ABI3BP: variants seen among roughly 807,000 people sequenced by gnomAD.
ABI3BP encodes the protein ABI family member 3 binding protein.
A neutral mutation model predicts 268.6 loss-of-function variants in ABI3BP; 216 were observed. That is an observed-to-expected ratio of 0.80 (90% CI 0.72 to 0.90). The LOEUF (loss-of-function observed/expected upper bound fraction) is 0.90, where lower values mean the gene tolerates loss of function less well. ABI3BP is among the 40% of genes least tolerant of loss of function. The probability of loss-of-function intolerance (pLI) is 0.00; values close to 1 mark genes in which losing one functional copy is unlikely to be tolerated. For synonymous variants in ABI3BP, 730 were observed against 730.0 expected, an observed-to-expected ratio of 1.00 and a Z score of 0.00; for missense variants, 2,090 against 2,182.4, an observed-to-expected ratio of 0.96 and a Z score of 0.84.
In ABI3BP at chr3:100,875,543, G is replaced by A. The variant is rs967387520; in HGVS notation, c.782C>T (p.Ser261Phe). The change falls in exon 8 of 68, where the codon TCC becomes TTC. Residue 261 changes from serine to phenylalanine, a missense_variant. Physicochemically the swap from Ser to Phe is radical, Grantham distance 155. Coordinates refer to ENST00000471714, the MANE Select transcript of ABI3BP (RefSeq NM_001375547.2). The part of the protein sequence containing the change: ...QNVTHKDSAK[S>F]PEKAPLGGVI... Reference sequence around the variant, plus strand: ...TCCTCCCAGTGGAGCTTTTTCTGGGGATTTAGCTGAATCCTTGTGAGTAAC... The same window carrying A: ...TCCTCCCAGTGGAGCTTTTTCTGGGAATTTAGCTGAATCCTTGTGAGTAAC... 6.2e-7 allele frequency: 1 copy of A among 1,613,354 alleles called. No homozygotes were observed. Among genetic ancestry groups the A allele is most frequent in the African/African-American group, 1.3e-5 (1 of 74,910 alleles).
At chr3:100,839,803 A>G (rs2098664501) in intron 23 of ABI3BP, among the ~76,000 whole-genome samples, 187 bp from the exon 24 acceptor site, 1 of 152,110 alleles carries the variant, frequency 6.6e-6, no homozygotes, top group Admixed American at 6.6e-5. Context: ...ATGAATGTAC[A>G]TCATAAGATT....
chr3:100,787,807 AATAAAGTGGGAT>A lies in ABI3BP; in HGVS notation c.4088-17_4088-6del. 1 of 1,513,276 alleles carries A rather than the reference AATAAAGTGGGAT, an allele frequency of 6.6e-7. No individual in the cohort carries two copies. The highest frequency in any genetic ancestry group is 8.8e-7 in the Non-Finnish European group (1 of 1,137,432). The allele number at this position is 1,513,276 out of a possible 1,614,324, so 93.7% of individuals were successfully genotyped here. The stretch of plus-strand genomic sequence containing the variant: ...TTGTAGTTGTCCTATTCAGAACTAA[AATAAAGTGGGAT>A]ATAAATAGTTCATTTTCTTATTGAA... On this transcript the variant is annotated splice_polypyrimidine_tract_variant and splice_region_variant and intron_variant, in intron 56 of 67. Coordinates refer to ENST00000471714, the MANE Select transcript of ABI3BP (RefSeq NM_001375547.2).
rs1331763196 is a variant in ABI3BP at position 100,749,867 on chromosome 3, C to G, written c.*628G>C. The G allele has an allele frequency of 5.1e-6, 2 of 395,722 alleles. No individual in the cohort carries two copies. The highest frequency in any genetic ancestry group is 4.5e-6 in the Non-Finnish European group (1 of 224,718). 24.5% of individuals were successfully genotyped at this position (395,722 alleles called of 1,614,324 possible). ...TTAGCTGAAATGAAATTTACTGATT[C>G]AATCTTTTTAAGAATTTGTGGATGT... On this transcript the variant is annotated 3_prime_UTR_variant, in exon 68 of 68. Coordinates refer to ENST00000471714, the MANE Select transcript of ABI3BP (RefSeq NM_001375547.2).
At chr3:100,874,981 T>C (rs532464446) in intron 8 of ABI3BP, 48 bp from the exon 9 acceptor site, 7 of 1,079,718 alleles carry the variant, frequency 6.5e-6, no homozygotes, top group South Asian at 4.3e-5. Context: ...AAGTGCATCA[T>C]GACATAAAAT....
intron 64 of ABI3BP, 21 bp downstream of exon 64, chr3:100,754,591 A>G: frequency 6.4e-7 from 1 of 1,562,252 alleles, no homozygotes; most frequent in Non-Finnish European, 8.7e-7. Flanking sequence ...CCTTTTTGGG[A>G]ATTACTGTTG....
chr3:100,808,498 CTAAA>C (rs1382041650), intron 49 of ABI3BP, among the ~76,000 whole-genome samples: 3 of 152,114 alleles, frequency 2.0e-5, no homozygotes, highest in South Asian at 2.1e-4. Flanking sequence ...CAAATACCTT[CTAAA>C]TAGTTTGAAA....
chr3:100,750,817 T>C (rs1436079078), intron 67 of ABI3BP, among the ~76,000 whole-genome samples: 1 of 152,150 alleles, frequency 6.6e-6, no homozygotes, highest in Admixed American at 6.5e-5. Flanking sequence ...ATTGTTGACA[T>C]TTGCCGTGTC....
At chr3:100,942,232 T>C (rs1001688979) in intron 1 of ABI3BP, among the ~76,000 whole-genome samples, 2 of 152,092 alleles carry the variant, frequency 1.3e-5, no homozygotes, top group African/African-American at 2.4e-5. Flanking sequence ...CAGTGCAGCA[T>C]GATTAGCAGA....
At position 100,820,332 on chromosome 3, in the gene ABI3BP, A is replaced by G. The variant is rs746529608; in HGVS notation, c.2948-29T>C. ...AAGAAAGAAAACCTTTAGTTACTAC[A>G]GAGTCCGTAGCTCCGAAGCTATGAG... On this transcript the variant is annotated intron_variant, in intron 39 of 67. Transcript: ENST00000471714. The G allele has an allele frequency of 9.2e-6, 14 of 1,516,584 alleles. No homozygotes were observed. In the South Asian group the frequency reaches 1.7e-4, roughly 18 times the overall value. The allele number at this position is 1,516,584 out of a possible 1,614,324, so 93.9% of individuals were successfully genotyped here. A position where few individuals can be genotyped will look rare whatever the true frequency, so the allele number is the denominator to read the frequency against.
intron 9 of ABI3BP, among the ~76,000 whole-genome samples, chr3:100,872,817 A>C (rs1012916938): frequency 1.3e-5 from 2 of 152,168 alleles, no homozygotes; most frequent in South Asian, 4.1e-4. Flanking sequence ...CTGATGCACA[A>C]ATTAAGAAAA....
At chr3:100,798,050 T>C (rs569912149) in intron 51 of ABI3BP, among the ~76,000 whole-genome samples, 1 of 152,228 alleles carries the variant, frequency 6.6e-6, no homozygotes, top group East Asian at 1.9e-4. Context: ...CAGCCTTTAG[T>C]TTATAAATAC....
chr3:100,844,213 A>G, intron 20 of ABI3BP: 1 of 985,458 alleles, frequency 1.0e-6, no homozygotes, highest in Non-Finnish European at 1.2e-6. Context: ...AATGAGAACA[A>G]TTTACAATTC....
chr3:100,800,152 A>G (rs2097485323), intron 51 of ABI3BP, among the ~76,000 whole-genome samples: 1 of 151,098 alleles, frequency 6.6e-6, no homozygotes, highest in Admixed American at 6.6e-5. Flanking sequence ...AATTAGTTCA[A>G]TTTCTCAGAC....
At chr3:100,970,910 C>T (rs909241238) in intron 1 of ABI3BP, among the ~76,000 whole-genome samples, 3 of 152,140 alleles carry the variant, frequency 2.0e-5, no homozygotes, top group Non-Finnish European at 4.4e-5. Context: ...GTCTTCACAG[C>T]GGCCCATGTC....
intron 36 of ABI3BP, among the ~76,000 whole-genome samples, 194 bp downstream of exon 36, chr3:100,824,664 T>C (rs1217613086): frequency 1.3e-5 from 2 of 152,212 alleles, no homozygotes; most frequent in Non-Finnish European, 2.9e-5. Flanking sequence ...TAATAAGATA[T>C]GCTGGCATCA....
At chr3:100,779,903 ATC>A (rs1272163954) in intron 58 of ABI3BP, among the ~76,000 whole-genome samples, 1 of 152,246 alleles carries the variant, frequency 6.6e-6, no homozygotes, top group African/African-American at 2.4e-5. Flanking sequence ...TTAAGTTAGT[ATC>A]ACATCAGAAG....
chr3:100,789,608 C>G (rs1300006828), intron 55 of ABI3BP, 92 bp from the exon 56 acceptor site: 2 of 1,218,310 alleles, frequency 1.6e-6, no homozygotes, highest in Non-Finnish European at 2.3e-6. Flanking sequence ...AACTCATACA[C>G]TTTGCATGGA....
chr3:100,874,422 A>G (rs9863850), intron 9 of ABI3BP, among the ~76,000 whole-genome samples: 49,917 of 152,008 alleles, frequency 0.33, 8,454 homozygotes, highest in African/African-American at 0.37. Flanking sequence ...CACTGAACAC[A>G]TAACCAGTTC....
intron 20 of ABI3BP, chr3:100,843,545 G>GTGTT: frequency 5.9e-6 from 2 of 337,348 alleles, no homozygotes; most frequent in Non-Finnish European, 3.5e-6. Context: ...GTGTGTGTGA[G>GTGTT]AGAGAGAGAG....
Sources: gnomAD v4.1 joint callset for allele counts (sites outside exome capture counted in the v4.1 genomes callset) on GRCh38, gnomAD v4.1.1 for gene constraint, MANE v1.5 for transcripts, NCBI Gene and HGNC (gene_info 2026-07-23, HGNC 2026-07-21) for gene names.